The following SEMA3A variants were observed in gnomAD, a reference collection of about 807,000 sequenced individuals.
SEMA3A encodes semaphorin 3A.
Under a neutral mutation model 97.9 loss-of-function variants are expected in SEMA3A, and 29 were observed. That is an observed-to-expected ratio of 0.30 (90% CI 0.22 to 0.40). SEMA3A has a LOEUF of 0.40. Ranked by LOEUF, SEMA3A falls within the 10% of genes least tolerant of loss-of-function variation. SEMA3A has a pLI of 1.00. For missense variants in SEMA3A, 763 were observed against 951.3 expected, an observed-to-expected ratio of 0.80 and a Z score of 2.60; for synonymous variants, 321 against 323.7, an observed-to-expected ratio of 0.99 and a Z score of 0.09.
At chr7:84,172,249 CAA>C (rs1057204393) in intron 1 of SEMA3A, among the ~76,000 whole-genome samples, 2 of 152,012 alleles carry the variant, frequency 1.3e-5, no homozygotes, top group African/African-American at 4.8e-5. Flanking sequence ...CACTCTAGGT[CAA>C]GAGGCAACAT....
chr7:84,219,865 T>C (rs748187914), intron 3 of SEMA3A, among the ~76,000 whole-genome samples: 6 of 152,154 alleles, frequency 3.9e-5, no homozygotes, highest in South Asian at 2.1e-4. Flanking sequence ...CTGCTAGCTC[T>C]TTTTCTGGTG....
chr7:84,072,926 A>T (rs1293610629), intron 4 of SEMA3A, among the ~76,000 whole-genome samples: 2 of 152,176 alleles, frequency 1.3e-5, no homozygotes, highest in African/African-American at 2.4e-5. Flanking sequence ...TTTTGCCTAT[A>T]ACATCAAATC....
intron 1 of SEMA3A, among the ~76,000 whole-genome samples, chr7:84,136,979 A>AGGAAGGAAGGAC (rs1377611239): frequency 7.3e-5 from 11 of 150,222 alleles, no homozygotes; most frequent in Non-Finnish European, 1.3e-4. Context: ...GAAGGAAGGA[A>AGGAAGGAAGGAC]GGAAGGAAGG....
rs574598295 is a variant in SEMA3A, at chr7:84,005,810, G to A, written c.1141-252C>T. On this transcript the variant is annotated intron_variant, in intron 10 of 16. Transcript: ENST00000265362. ...CTAAAAATACAAAAATTAGCTGGGC[G>A]TGATGGTGCATGCCTGTAGTCCCAG... Among the ~76,000 whole-genome samples the A allele has an allele frequency of 3.7e-4, 57 of 152,088 alleles. 1 individual carries two copies. In the South Asian group the frequency reaches 0.011, roughly 30 times the overall value.
At chr7:84,355,421 T>G (rs1802533769) in intron 2 of SEMA3A, among the ~76,000 whole-genome samples, 1 of 151,878 alleles carries the variant, frequency 6.6e-6, no homozygotes, top group Non-Finnish European at 1.5e-5. Context: ...TAGGAAAAAT[T>G]CATCATCAAC....
chr7:84,245,505 G>A (rs546423019), intron 3 of SEMA3A, among the ~76,000 whole-genome samples: 1 of 151,768 alleles, frequency 6.6e-6, no homozygotes, highest in African/African-American at 2.4e-5. Flanking sequence ...CTTTTTTCAA[G>A]TTTCTTAGCT....
At position 84,269,022 on chromosome 7, in the gene SEMA3A, C is replaced by T. The variant is rs544029338; in HGVS notation, c.-83+38185G>A. 2.0e-5 allele frequency among the ~76,000 whole-genome samples: 3 copies of T among 152,252 alleles called. No homozygotes were observed. The East Asian group carries it at 5.8e-4, about 29-fold the overall frequency. On this transcript the variant is annotated intron_variant, in intron 3 of 3. Coordinates refer to the SEMA3A transcript ENST00000424555. ...CTTTCATTACTGTTACTACTCCTTG[C>T]TTCTTTCCTTTCTTCATTCTTTCTT...
At chr7:83,963,584 A>C (rs981142237) in intron 15 of SEMA3A, among the ~76,000 whole-genome samples, 2 of 152,208 alleles carry the variant, frequency 1.3e-5, no homozygotes, top group East Asian at 1.9e-4. Flanking sequence ...TGTCTACCAG[A>C]AAATGGCATT....
chr7:84,318,623 A>G (rs1180537877), intron 2 of SEMA3A, among the ~76,000 whole-genome samples: 1 of 151,986 alleles, frequency 6.6e-6, no homozygotes, highest in African/African-American at 2.4e-5. Flanking sequence ...CGCCCGGCCG[A>G]TTTCTTGGTT....
chr7:84,349,797 T>C (rs902066700), intron 2 of SEMA3A, among the ~76,000 whole-genome samples: 5 of 152,186 alleles, frequency 3.3e-5, no homozygotes, highest in African/African-American at 7.2e-5. Context: ...TTAGAATAAG[T>C]TATAGGTCTT....
intron 12 of SEMA3A, among the ~76,000 whole-genome samples, chr7:83,992,531 T>G (rs1790001865): frequency 6.6e-6 from 1 of 152,216 alleles, no homozygotes; most frequent in Non-Finnish European, 1.5e-5. Flanking sequence ...TTTGTTGTTG[T>G]TGGTTTCAAA....
intron 5 of SEMA3A, among the ~76,000 whole-genome samples, chr7:84,052,491 A>G (rs1017273821): frequency 2.0e-5 from 3 of 152,024 alleles, no homozygotes; most frequent in Non-Finnish European, 4.4e-5. Context: ...TTTCTAGTTT[A>G]TTTGTGTAGA....
chr7:84,359,471 G>C (rs1802655576), intron 2 of SEMA3A, among the ~76,000 whole-genome samples: 1 of 152,056 alleles, frequency 6.6e-6, no homozygotes, highest in Non-Finnish European at 1.5e-5. Flanking sequence ...AACCAGCCTT[G>C]CATCCCAGGG....
chr7:84,398,907 C>G (rs1017837586), intron 1 of SEMA3A, among the ~76,000 whole-genome samples: 1 of 152,064 alleles, frequency 6.6e-6, no homozygotes, highest in African/African-American at 2.4e-5. Flanking sequence ...AATTGTACCC[C>G]CCTTGCAGAA....
At chr7:83,997,832 G>T (rs991647306) in intron 12 of SEMA3A, among the ~76,000 whole-genome samples, 1 of 151,616 alleles carries the variant, frequency 6.6e-6, no homozygotes, top group African/African-American at 2.4e-5. Context: ...CATCTCCTGG[G>T]TTCAAGTGAT....
At chr7:84,071,673 T>G (rs1019138454) in intron 4 of SEMA3A, among the ~76,000 whole-genome samples, 2 of 152,120 alleles carry the variant, frequency 1.3e-5, no homozygotes, top group Non-Finnish European at 2.9e-5. Context: ...GGAACTTGCA[T>G]AGCAATCTAT....
chr7:83,957,320 C>T lies in SEMA3A; in HGVS notation c.*4051G>A, dbSNP rs536011481. The T allele has an allele frequency of 4.6e-5, 7 of 152,208 alleles. No homozygotes were observed. The South Asian group carries it at 1.0e-3, about 23-fold the overall frequency. The allele number at this position is 152,208 out of a possible 1,614,324, so 9.4% of individuals were successfully genotyped here. On this transcript the variant is annotated 3_prime_UTR_variant, in exon 17 of 17. Coordinates refer to ENST00000265362, the MANE Select transcript of SEMA3A (RefSeq NM_006080.3). ...GAGAACAAGGGTTATGTCTTATTCA[C>T]TTTAGTGTCCTCATCACCTAACATA...
intron 3 of SEMA3A, among the ~76,000 whole-genome samples, chr7:84,287,588 A>AT (rs570783206): frequency 2.8e-4 from 43 of 152,032 alleles, no homozygotes; most frequent in Admixed American, 2.2e-3. Flanking sequence ...AATTTGTTTA[A>AT]TTTTTTTTCC....
intron 1 of SEMA3A, among the ~76,000 whole-genome samples, chr7:84,135,505 C>G (rs1427057763): frequency 6.6e-6 from 1 of 152,114 alleles, no homozygotes; most frequent in Middle Eastern, 3.2e-3. Flanking sequence ...AATAACTTGT[C>G]TATACACACT....
Sources: allele counts gnomAD v4.1 joint callset (sites outside exome capture counted in the v4.1 genomes callset), GRCh38; gene constraint gnomAD v4.1.1; transcripts MANE v1.5; gene names NCBI Gene and HGNC (gene_info 2026-07-23, HGNC 2026-07-21).